Variants in CPEB1 observed in about 807,000 individuals in gnomAD.
CPEB1 encodes the protein cytoplasmic polyadenylation element-binding protein 1.
Under a neutral mutation model 65.8 loss-of-function variants are expected in CPEB1, and 7 were observed. The observed-to-expected ratio is 0.11, with a 90% CI of 0.06 to 0.20. CPEB1 has a LOEUF of 0.20. Ranked by LOEUF, CPEB1 falls within the 10% of genes least tolerant of loss-of-function variation. The pLI is 1.00. For synonymous variants in CPEB1, 262 were observed against 260.0 expected, an observed-to-expected ratio of 1.01 and a Z score of -0.08; for missense variants, 551 against 712.2, an observed-to-expected ratio of 0.77 and a Z score of 2.58.
At chr15:82,630,225 T>C (rs984179739) in intron 1 of CPEB1, 12 of 289,634 alleles carry the variant, frequency 4.1e-5, no homozygotes, top group Non-Finnish European at 3.6e-5. Flanking sequence ...GCACGTGCCA[T>C]TGCCTAGCAC....
At chr15:82,599,006 C>T (rs1443734054) in intron 3 of CPEB1, among the ~76,000 whole-genome samples, 2 of 151,796 alleles carry the variant, frequency 1.3e-5, no homozygotes, top group Non-Finnish European at 2.9e-5. Flanking sequence ...ATAATAAAGC[C>T]AAGAGAACAA....
At chr15:82,569,999 C>T (rs1398620275) in intron 4 of CPEB1, among the ~76,000 whole-genome samples, 1 of 152,174 alleles carries the variant, frequency 6.6e-6, no homozygotes, top group African/African-American at 2.4e-5. Context: ...CCCAGGGGAA[C>T]AGGGTAGTTG....
At position 82,627,851 on chromosome 15, in the gene CPEB1, G is replaced by T. The variant is rs546883681; in HGVS notation, c.97-484C>A. Among the ~76,000 whole-genome samples the T allele has an allele frequency of 2.6e-5, 4 of 152,238 alleles. No individual in the cohort carries two copies. The South Asian group carries it at 8.3e-4, about 32-fold the overall frequency. ...GTCAGAAAGTACCTTGCCAGTAAAG[G>T]ACTTTTTTTAATATATTAAAACACT... On this transcript the variant is annotated intron_variant, in intron 2 of 12. Coordinates refer to ENST00000684509, the MANE Select transcript of CPEB1 (RefSeq NM_001365242.1).
intron 4 of CPEB1, among the ~76,000 whole-genome samples, chr15:82,569,941 C>A (rs77576752): frequency 3.3e-5 from 5 of 152,236 alleles, no homozygotes; most frequent in Non-Finnish European, 7.4e-5. Context: ...AACAAAGTAC[C>A]GTGGTCTCCA....
At chr15:82,633,533 T>C (rs1219852095) in intron 1 of CPEB1, among the ~76,000 whole-genome samples, 1 of 152,166 alleles carries the variant, frequency 6.6e-6, no homozygotes, top group Non-Finnish European at 1.5e-5. Flanking sequence ...CCACCACGCC[T>C]GGCTAATTTT....
intron 1 of CPEB1, chr15:82,630,143 C>T (rs1157493082): frequency 1.0e-6 from 1 of 983,792 alleles, no homozygotes; most frequent in East Asian, 1.1e-4. Flanking sequence ...GCTGTGTTGC[C>T]CAGGCTGAAC....
At chr15:82,614,683 A>G (rs74944988) in intron 3 of CPEB1, among the ~76,000 whole-genome samples, 220 of 152,254 alleles carry the variant, frequency 1.4e-3, no homozygotes, top group Non-Finnish European at 2.9e-3. Context: ...AACATGCACC[A>G]GGCCCAATAC....
intron 1 of CPEB1, among the ~76,000 whole-genome samples, chr15:82,634,530 A>G (rs2046502555): frequency 6.6e-6 from 1 of 152,208 alleles, no homozygotes. Flanking sequence ...CTTCAAGACT[A>G]TTACTATTAA....
Position 82,579,860 on chromosome 15 carries a change from C to T in CPEB1, c.272-8328G>A, listed in dbSNP as rs143958392. Among the ~76,000 whole-genome samples the T allele has an allele frequency of 1.5e-4, 19 of 126,044 alleles. 1 individual carries two copies. In the East Asian group the frequency reaches 3.3e-3, roughly 22 times the overall value. 82.7% of individuals were successfully genotyped at this position (126,044 alleles called of 152,430 possible). ...CCGGGAAGCGGAGCTTGCAGTGAGC[C>T]GACATTGCGCCACTGCAGTCTGCAG... On this transcript the variant is annotated intron_variant, in intron 3 of 12. Transcript: ENST00000684509.
chr15:82,559,553 T>G (rs1040780279), intron 4 of CPEB1, among the ~76,000 whole-genome samples: 2 of 152,234 alleles, frequency 1.3e-5, no homozygotes, highest in East Asian at 3.8e-4. Context: ...TTGGTCAATC[T>G]TTTTATATCT....
At chr15:82,605,433 G>A (rs1295221817) in intron 3 of CPEB1, among the ~76,000 whole-genome samples, 5 of 151,992 alleles carry the variant, frequency 3.3e-5, no homozygotes, top group African/African-American at 4.8e-5. Flanking sequence ...ACAAAGTTTT[G>A]ACCAGGATAA....
intron 3 of CPEB1, among the ~76,000 whole-genome samples, chr15:82,579,203 T>C (rs2151089729): frequency 6.6e-6 from 1 of 152,312 alleles, no homozygotes; most frequent in East Asian, 1.9e-4. Context: ...GGCTCACATC[T>C]GTAATCCCAA....
At chr15:82,600,596 G>A (rs1322986553) in intron 3 of CPEB1, among the ~76,000 whole-genome samples, 1 of 152,178 alleles carries the variant, frequency 6.6e-6, no homozygotes, top group Non-Finnish European at 1.5e-5. Context: ...AGGATAACAA[G>A]TTCTGTAAGG....
chr15:82,546,735 G>C (rs1185607034), intron 11 of CPEB1, among the ~76,000 whole-genome samples: 2 of 152,158 alleles, frequency 1.3e-5, no homozygotes, highest in Non-Finnish European at 1.5e-5. Context: ...GCACAGTCAG[G>C]CTGGATGCCT....
At chr15:82,617,151 C>A (rs962414364) in intron 3 of CPEB1, among the ~76,000 whole-genome samples, 1 of 152,204 alleles carries the variant, frequency 6.6e-6, no homozygotes, top group Admixed American at 6.5e-5. Flanking sequence ...TCTGTGCCAA[C>A]AGAATTATGT....
chr15:82,557,724 C>T, intron 5 of CPEB1, 36 bp downstream of exon 5: 2 of 1,583,920 alleles, frequency 1.3e-6, no homozygotes, highest in Non-Finnish European at 8.7e-7. Flanking sequence ...CAGGCAACTC[C>T]ACCCACAACT....
chr15:82,638,135 G>C (rs910607746), intron 1 of CPEB1: 1 of 284,890 alleles, frequency 3.5e-6, no homozygotes, highest in African/African-American at 2.2e-5. Flanking sequence ...ATACATAGTT[G>C]GAAAAAGGAG....
chr15:82,628,841 T>C (rs2045993753), intron 1 of CPEB1: 2 of 173,116 alleles, frequency 1.2e-5, no homozygotes, highest in African/African-American at 2.4e-5. Flanking sequence ...TATGATTTTC[T>C]AGTAACATTT....
At chr15:82,609,127 A>G (rs2043895907) in intron 3 of CPEB1, among the ~76,000 whole-genome samples, 1 of 152,234 alleles carries the variant, frequency 6.6e-6, no homozygotes, top group Non-Finnish European at 1.5e-5. Flanking sequence ...ATGAGAAAAT[A>G]CTTTGAGATA....
Sources: gnomAD v4.1 joint callset for allele counts (sites outside exome capture counted in the v4.1 genomes callset) on GRCh38, gnomAD v4.1.1 for gene constraint, MANE v1.5 for transcripts, NCBI Gene and HGNC (gene_info 2026-07-23, HGNC 2026-07-21) for gene names.